Variants in ADAP2 observed in about 807,000 individuals in gnomAD.
ADAP2 encodes ArfGAP with dual PH domains 2.
A neutral mutation model predicts 54.9 loss-of-function variants in ADAP2; 42 were observed. That is an observed-to-expected ratio of 0.77 (90% CI 0.60 to 0.99). ADAP2 has a LOEUF of 0.99. ADAP2 is among the 50% of genes least tolerant of loss of function. The pLI, the probability that ADAP2 is intolerant of heterozygous loss-of-function variation, is 0.00. For missense variants in ADAP2, 429 were observed against 480.4 expected, an observed-to-expected ratio of 0.89 and a Z score of 1.00; for synonymous variants, 177 against 180.1, an observed-to-expected ratio of 0.98 and a Z score of 0.14.
chr17:30,943,014 G>C, intron 5 of ADAP2, among the ~76,000 whole-genome samples: 1 of 152,206 alleles, frequency 6.6e-6, no homozygotes, highest in East Asian at 1.9e-4. Context: ...ACTTAAAACA[G>C]AACTAACATT....
At chr17:30,931,751 G>T (rs1325275471) in intron 3 of ADAP2, 138 bp from the exon 4 acceptor site, 5 of 577,800 alleles carry the variant, frequency 8.7e-6, no homozygotes, top group South Asian at 2.2e-5. Flanking sequence ...GGCCTAGGAG[G>T]TCTAGGCTGC....
chr17:30,924,152 T>G (rs1314984374), intron 2 of ADAP2, among the ~76,000 whole-genome samples: 1 of 152,082 alleles, frequency 6.6e-6, no homozygotes, highest in Non-Finnish European at 1.5e-5. Context: ...GCTGGTGGAT[T>G]GCTTGAGCCC....
At chr17:30,927,443 C>T (rs574690624) in intron 3 of ADAP2, among the ~76,000 whole-genome samples, 1 of 151,926 alleles carries the variant, frequency 6.6e-6, no homozygotes, top group Admixed American at 6.6e-5. Context: ...GAAAGCCTGT[C>T]TCTACTAAAA....
chr17:30,929,590 C>A (rs145871977), intron 3 of ADAP2, among the ~76,000 whole-genome samples: 3 of 152,368 alleles, frequency 2.0e-5, no homozygotes, highest in Admixed American at 6.5e-5. Context: ...CTTCTCCCTG[C>A]TCTGATCTTG....
chr17:30,923,072 T>C lies in ADAP2; in HGVS notation c.225+2T>C. 1 of 1,612,124 alleles carries C rather than the reference T, an allele frequency of 6.2e-7. No individual in the cohort carries two copies. Among genetic ancestry groups the C allele is most frequent in the South Asian group, 1.1e-5 (1 of 90,940 alleles). On this transcript the variant is annotated splice_donor_variant, in intron 2 of 10. Transcript: ENST00000330889. LOFTEE classifies it high-confidence loss of function. ...TTCTGGGACGACAGTATTGTGGAGG[T>C]AGAAAGGCATGCCCGTGGAGAGCCA...
chr17:30,942,458 A>G (rs1912343354), intron 5 of ADAP2, among the ~76,000 whole-genome samples: 1 of 152,224 alleles, frequency 6.6e-6, no homozygotes, highest in African/African-American at 2.4e-5. Context: ...GTGAAGATGT[A>G]TATAACTGTG....
intron 6 of ADAP2, among the ~76,000 whole-genome samples, chr17:30,945,794 A>G (rs545266710): frequency 6.7e-6 from 1 of 149,908 alleles, no homozygotes; most frequent in East Asian, 2.0e-4. Flanking sequence ...AGAAAGAAAG[A>G]AAGAAAAATA....
intron 3 of ADAP2, among the ~76,000 whole-genome samples, chr17:30,930,104 C>T (rs994660086): frequency 9.2e-5 from 14 of 151,528 alleles, no homozygotes; most frequent in Admixed American, 6.6e-4. Context: ...CAGAGTCTTG[C>T]TCTTTCACCC....
chr17:30,926,719 C>G (rs943859721), intron 2 of ADAP2, 108 bp from the exon 3 acceptor site: 3 of 940,398 alleles, frequency 3.2e-6, no homozygotes, highest in African/African-American at 3.2e-5. Context: ...TGGGACATCT[C>G]CTTCTTGGAG....
intron 5 of ADAP2, among the ~76,000 whole-genome samples, chr17:30,944,469 T>C (rs1912504268): frequency 6.6e-6 from 1 of 152,096 alleles, no homozygotes; most frequent in South Asian, 2.1e-4. Context: ...AAACTCTGTC[T>C]CTACTTAAAA....
intron 10 of ADAP2, among the ~76,000 whole-genome samples, chr17:30,957,244 T>G (rs1486756815): frequency 2.0e-5 from 3 of 152,086 alleles, no homozygotes; most frequent in Non-Finnish European, 4.4e-5. Flanking sequence ...AAATTGTGAG[T>G]GAGGCATATC....
chr17:30,941,143 G>A (rs1369481744), intron 5 of ADAP2, among the ~76,000 whole-genome samples: 3 of 152,142 alleles, frequency 2.0e-5, no homozygotes, highest in Admixed American at 2.0e-4. Flanking sequence ...CAATGGCATT[G>A]GTACCCATTG....
intron 2 of ADAP2, 88 bp downstream of exon 2, chr17:30,923,158 A>G: frequency 6.7e-7 from 1 of 1,490,334 alleles, no homozygotes; most frequent in Non-Finnish European, 9.2e-7. Context: ...CAGAGGGGGA[A>G]ACTGAGAACC....
Position 30,956,300 on chromosome 17 carries a change from C to G in ADAP2, c.942C>G (p.Tyr314Ter), listed in dbSNP as rs573331078. Residue 314 changes from tyrosine (Y) to a stop codon, truncating the protein, a stop_gained, in exon 10 of 11, where the codon TAC becomes TAG. Coordinates refer to ENST00000330889, the MANE Select transcript of ADAP2 (RefSeq NM_018404.3). LOFTEE classifies it high-confidence loss of function. ...LGNKEQGYEA[Y>*]EDLPKGIRGN... The stretch of plus-strand genomic sequence containing the variant: ...ACAAGGAGCAGGGATATGAAGCCTA[C>G]GAAGACCTGCCCAAGGGCATCCGAG... 3.1e-6 allele frequency: 5 copies of G among 1,614,056 alleles called. No individual in the cohort carries two copies. Among genetic ancestry groups the G allele is most frequent in the South Asian group, 2.2e-5 (2 of 91,090 alleles).
At chr17:30,936,070 C>T (rs1461554864) in intron 5 of ADAP2, among the ~76,000 whole-genome samples, 1 of 152,170 alleles carries the variant, frequency 6.6e-6, no homozygotes, top group Non-Finnish European at 1.5e-5. Context: ...CCCCACCCCA[C>T]CACTAGCCCT....
chr17:30,942,078 G>T (rs950716661), intron 5 of ADAP2, among the ~76,000 whole-genome samples: 1 of 151,924 alleles, frequency 6.6e-6, no homozygotes, highest in Admixed American at 6.6e-5. Flanking sequence ...GCTAATTTTT[G>T]TATTTTTAGT....
In ADAP2 at chr17:30,929,486, A is replaced by G. The variant is rs74394304; in HGVS notation, c.318-2403A>G. On this transcript the variant is annotated intron_variant, in intron 3 of 10. Coordinates refer to ENST00000330889, the MANE Select transcript of ADAP2 (RefSeq NM_018404.3). ...CGGCACTAAACAGACATTACCCACC[A>G]TGACTCCAGCAGCAGCCCTGCACTT... 2.6e-4 allele frequency among the ~76,000 whole-genome samples: 40 copies of G among 152,284 alleles called. No homozygotes were observed. In the East Asian group the frequency reaches 7.5e-3, roughly 29 times the overall value.
At position 30,921,952 on chromosome 17, in the gene ADAP2, T is replaced by C. The variant is rs568596198; in HGVS notation, c.-63T>C. 1.4e-4 allele frequency: 159 copies of C among 1,158,698 alleles called. No individual in the cohort carries two copies. The highest frequency in any genetic ancestry group is 1.7e-4 in the Non-Finnish European group (156 of 925,640). 71.8% of individuals were successfully genotyped at this position (1,158,698 alleles called of 1,614,324 possible). On this transcript the variant is annotated 5_prime_UTR_variant, in exon 1 of 11. Coordinates refer to ENST00000330889, the MANE Select transcript of ADAP2 (RefSeq NM_018404.3). ...CTGAGGCGCCGCGGCCGGGTCCCTCTCCACCTGCCGGGCGGAGCGCACGGG... is the reference window on the plus strand; with the variant it reads ...CTGAGGCGCCGCGGCCGGGTCCCTCCCCACCTGCCGGGCGGAGCGCACGGG...
chr17:30,941,171 G>C (rs148308439), intron 5 of ADAP2, among the ~76,000 whole-genome samples: 1 of 152,176 alleles, frequency 6.6e-6, no homozygotes, highest in Non-Finnish European at 1.5e-5. Flanking sequence ...AGTTTGCCCA[G>C]CTTTAATTTT....
Sources: gnomAD v4.1 joint callset for allele counts (sites outside exome capture counted in the v4.1 genomes callset) on GRCh38, gnomAD v4.1.1 for gene constraint, MANE v1.5 for transcripts, NCBI Gene and HGNC (gene_info 2026-07-23, HGNC 2026-07-21) for gene names.